Variants in RANBP2 observed in about 807,000 individuals in gnomAD.
RANBP2 encodes the protein RAN binding protein 2, also known as E3 SUMO-protein ligase RanBP2.
A neutral mutation model predicts 303.6 loss-of-function variants in RANBP2; 57 were observed. The observed-to-expected ratio is 0.19, with a 90% confidence interval of 0.15 to 0.23. RANBP2 has a LOEUF of 0.23. RANBP2 is among the 10% of genes least tolerant of loss of function. RANBP2 has a pLI of 1.00. For synonymous variants in RANBP2, 1,167 were observed against 1,301.5 expected (o/e 0.90, Z 2.23); for missense variants, 3,138 against 3,780.8 (o/e 0.83, Z 4.46).
At chr2:108,862,556 A>G in the RANBP2 span, among the ~76,000 whole-genome samples, 21 of 152,240 alleles carry the variant, frequency 1.4e-4, no homozygotes, top group Admixed American at 1.4e-3. Context: ...TTTAAATGTT[A>G]TCACCACAAC....
intron 8 of RANBP2, among the ~76,000 whole-genome samples, chr2:108,747,228 T>C (rs1330283745): frequency 6.6e-6 from 1 of 152,230 alleles, no homozygotes; most frequent in African/African-American, 2.4e-5. Context: ...ACTTACCTTA[T>C]ATTAGGCTCT....
chr2:109,484,812 G>A, the RANBP2 span, among the ~76,000 whole-genome samples: 5 of 152,174 alleles, frequency 3.3e-5, no homozygotes, highest in Admixed American at 2.6e-4. Context: ...GTTTATTTCT[G>A]TGCTTTCCTG....
chr2:109,750,698 T>TATAATAATAATA, the RANBP2 span, among the ~76,000 whole-genome samples: 46 of 100,412 alleles, frequency 4.6e-4, 6 homozygotes, highest in African/African-American at 9.1e-4. Context: ...GAATCACTAC[T>TATAATAATAATA]ATAATAATAA....
chr2:109,267,130 GAGGTGGTCAAAC>G, the RANBP2 span, among the ~76,000 whole-genome samples: 1 of 152,146 alleles, frequency 6.6e-6, no homozygotes, highest in African/African-American at 2.4e-5. Context: ...ATCAGCCAGG[GAGGTGGTCAAAC>G]AGGATGGGAG....
At chr2:109,336,946 C>T in the RANBP2 span, among the ~76,000 whole-genome samples, 1 of 152,192 alleles carries the variant, frequency 6.6e-6, no homozygotes, top group African/African-American at 2.4e-5. Context: ...CCATCATCCT[C>T]TGTGGGCAGC....
the RANBP2 span, among the ~76,000 whole-genome samples, chr2:108,946,091 G>C: frequency 1.3e-5 from 2 of 152,178 alleles, no homozygotes; most frequent in African/African-American, 4.8e-5. Flanking sequence ...CCAAGTTTCT[G>C]GTGACTCCAA....
At chr2:109,102,266 A>G in the RANBP2 span, among the ~76,000 whole-genome samples, 1 of 151,862 alleles carries the variant, frequency 6.6e-6, no homozygotes. Context: ...ATGCCTGGCC[A>G]ATTTTTTGTA....
chr2:109,025,196 C>T, the RANBP2 span, among the ~76,000 whole-genome samples: 1 of 152,146 alleles, frequency 6.6e-6, no homozygotes, highest in East Asian at 1.9e-4. Context: ...AATTTCCTTC[C>T]TTTTTAAGGC....
the RANBP2 span, among the ~76,000 whole-genome samples, chr2:109,352,151 G>A: frequency 6.6e-6 from 1 of 152,146 alleles, no homozygotes; most frequent in Non-Finnish European, 1.5e-5. Context: ...ATGAGCAAAG[G>A]CATTTTAAAA....
chr2:109,500,410 G>A, the RANBP2 span, among the ~76,000 whole-genome samples: 2 of 152,150 alleles, frequency 1.3e-5, no homozygotes, highest in African/African-American at 2.4e-5. Context: ...ATGCCCCTGG[G>A]TCCCTGCAGG....
the RANBP2 span, among the ~76,000 whole-genome samples, chr2:109,630,055 T>C: frequency 6.6e-6 from 1 of 152,036 alleles, no homozygotes; most frequent in African/African-American, 2.4e-5. Context: ...AGAAAATCCA[T>C]GTGGGCTAGA....
chr2:109,217,639 A>G, the RANBP2 span, among the ~76,000 whole-genome samples: 17 of 152,374 alleles, frequency 1.1e-4, no homozygotes, highest in Middle Eastern at 3.4e-3. Flanking sequence ...ACAACCTGCC[A>G]GTGATGGGAA....
At chr2:108,862,822 A>G in the RANBP2 span, among the ~76,000 whole-genome samples, 2 of 152,120 alleles carry the variant, frequency 1.3e-5, no homozygotes, top group Non-Finnish European at 2.9e-5. Flanking sequence ...GTTAGATACT[A>G]GTGCATATAC....
chr2:109,559,235 G>A, the RANBP2 span, among the ~76,000 whole-genome samples: 1 of 152,106 alleles, frequency 6.6e-6, no homozygotes, highest in Non-Finnish European at 1.5e-5. Context: ...TAATACATCA[G>A]ACTATAATGA....
At chr2:108,779,606 G>C (rs569484704) in intron 25 of RANBP2, among the ~76,000 whole-genome samples, 3 of 152,278 alleles carry the variant, frequency 2.0e-5, no homozygotes, top group South Asian at 4.1e-4. Flanking sequence ...TTAGCAGAAG[G>C]TGTAGGGTTC....
the RANBP2 span, among the ~76,000 whole-genome samples, chr2:109,156,547 G>A: frequency 2.0e-5 from 3 of 152,000 alleles, no homozygotes; most frequent in Non-Finnish European, 2.9e-5. Flanking sequence ...CTGAGTTCAA[G>A]CGATTCTTCT....
the RANBP2 span, among the ~76,000 whole-genome samples, chr2:108,826,965 AAGTT>A: frequency 1.3e-5 from 2 of 152,182 alleles, no homozygotes; most frequent in Non-Finnish European, 2.9e-5. Context: ...TTATTTTGAA[AAGTT>A]AGTTTCACAG....
At chr2:109,376,879 A>G in the RANBP2 span, among the ~76,000 whole-genome samples, 1 of 152,200 alleles carries the variant, frequency 6.6e-6, no homozygotes, top group South Asian at 2.1e-4. Flanking sequence ...TTGTTCCCCT[A>G]AGTTTCCATG....
At chr2:109,174,575 C>T in the RANBP2 span, among the ~76,000 whole-genome samples, 1 of 152,194 alleles carries the variant, frequency 6.6e-6, no homozygotes, top group Non-Finnish European at 1.5e-5. Context: ...CTGGAATTCC[C>T]TCCATTGTGG....
Sources: gnomAD v4.1 joint callset for allele counts (sites outside exome capture counted in the v4.1 genomes callset) on GRCh38, gnomAD v4.1.1 for gene constraint, MANE v1.5 for transcripts, NCBI Gene and HGNC (gene_info 2026-07-23, HGNC 2026-07-21) for gene names.